Variants in METTL8 observed in about 807,000 individuals in gnomAD.
METTL8 encodes the protein tRNA N(3)-cytidine methyltransferase METTL8, mitochondrial.
Under a neutral mutation model 48.7 loss-of-function variants are expected in METTL8, and 32 were observed. The ratio of observed to expected loss-of-function variants is 0.66; its 90% CI spans 0.50 to 0.88. The LOEUF is 0.88. Ranked by LOEUF, METTL8 falls within the 40% of genes least tolerant of loss-of-function variation. METTL8 has a pLI of 0.00. For synonymous variants in METTL8, 136 were observed against 157.1 expected (o/e 0.87, Z 1.01); for missense variants, 464 against 474.4 (o/e 0.98, Z 0.20).
intron 1 of METTL8, among the ~76,000 whole-genome samples, chr2:171,423,005 G>C (rs926184458): frequency 1.3e-5 from 2 of 152,176 alleles, no homozygotes; most frequent in African/African-American, 4.8e-5. Flanking sequence ...CACAGTGGGA[G>C]GTAATTGAAT....
Position 171,392,168 on chromosome 2 carries a change from T to G in METTL8, c.18A>C (p.Arg6Ser). The G allele has an allele frequency of 3.2e-6, 5 of 1,551,518 alleles. No homozygotes were observed. The highest frequency in any genetic ancestry group is 3.5e-6 in the Non-Finnish European group (4 of 1,146,898). The change falls in exon 2 of 10, where the codon AGA becomes AGC. Residue 6 changes from arginine to serine, a missense_variant. Coordinates refer to ENST00000375258, the MANE Select transcript of METTL8 (RefSeq NM_001321154.2). ...CTAGCCTTAGACAAGAAATGGAATT[T>G]CTCCAAATCATATTCATCCTAAGCA... MNMIWRNSISCLRLGK... is the reference protein window; with the variant it reads MNMIWSNSISCLRLGK...
intron 1 of METTL8, among the ~76,000 whole-genome samples, chr2:171,421,476 TACACAC>T (rs35524770): frequency 1.3e-5 from 2 of 150,292 alleles, no homozygotes; most frequent in Non-Finnish European, 1.5e-5. Context: ...CACACATCCA[TACACAC>T]ACACACACAC....
upstream of METTL8, chr2:171,434,595 G>A: frequency 6.5e-7 from 1 of 1,527,828 alleles, no homozygotes; most frequent in Non-Finnish European, 8.7e-7. Context: ...CGACCCGGAA[G>A]CCCAACGTGT....
intron 3 of METTL8, among the ~76,000 whole-genome samples, chr2:171,352,577 G>T (rs958011576): frequency 6.6e-6 from 1 of 152,090 alleles, no homozygotes; most frequent in Non-Finnish European, 1.5e-5. Flanking sequence ...GGTAGAATTC[G>T]GCTGTGAATC....
chr2:171,330,426 G>T, intron 7 of METTL8, 133 bp downstream of exon 7: 3 of 759,164 alleles, frequency 4.0e-6, no homozygotes, highest in Non-Finnish European at 6.2e-6. Flanking sequence ...GCCTTTAAAA[G>T]GCTGTGTATT....
At chr2:171,331,561 C>G (rs1685534304) in intron 6 of METTL8, among the ~76,000 whole-genome samples, 1 of 151,986 alleles carries the variant, frequency 6.6e-6, no homozygotes, top group African/African-American at 2.4e-5. Flanking sequence ...GAACTACAGG[C>G]ACGTGCTACC....
At chr2:171,330,446 G>T in intron 7 of METTL8, 113 bp downstream of exon 7, 1 of 994,718 alleles carries the variant, frequency 1.0e-6, no homozygotes, top group Non-Finnish European at 1.5e-6. Context: ...TATACATAAT[G>T]TTGCTCACTA....
chr2:171,421,693 A>C, intron 1 of METTL8, among the ~76,000 whole-genome samples: 1 of 152,182 alleles, frequency 6.6e-6, no homozygotes, highest in Non-Finnish European at 1.5e-5. Flanking sequence ...TTTTTTAACC[A>C]AACTCAGATT....
chr2:171,430,586 G>C lies in METTL8; in HGVS notation c.-13+3297C>G, dbSNP rs936349563. On this transcript the variant is annotated intron_variant, in intron 1 of 9. Transcript: ENST00000375258. ...TCTGCTATGGGTGTTCGGAGCTGCT[G>C]AAAGAATGCAACAGGCAAGTGACAG... 1.4e-3 allele frequency among the ~76,000 whole-genome samples: 217 copies of C among 152,140 alleles called. 3 individuals are homozygous for C. Among genetic ancestry groups the C allele is most frequent in the Non-Finnish European group, 2.9e-4 (20 of 68,020 alleles).
At position 171,339,315 on chromosome 2, in the gene METTL8, T is replaced by A; in HGVS notation, c.475A>T (p.Ser159Cys). Residue 159 changes from serine to cysteine, a missense_variant, in exon 4 of 10, where the codon AGT becomes TGT. Ser to Cys is a moderately radical substitution (Grantham distance 112). Coordinates refer to ENST00000375258, the MANE Select transcript of METTL8 (RefSeq NM_001321154.2). ...CTTTGACCTTCTGAAGAACCAGAAC[T>A]TTTCTCATAATGATTTTTTTCATCA... ...VPDEKNHYEK[S>C]SGSSEGQSKT... The A allele has an allele frequency of 6.2e-7, 1 of 1,613,240 alleles. No individual in the cohort carries two copies. Among genetic ancestry groups the A allele is most frequent in the Non-Finnish European group, 8.5e-7 (1 of 1,179,466 alleles).
intron 2 of METTL8, among the ~76,000 whole-genome samples, chr2:171,386,982 C>T (rs910351082): frequency 6.6e-6 from 1 of 152,060 alleles, no homozygotes; most frequent in East Asian, 1.9e-4. Context: ...CCTAGCGGTC[C>T]GACTCCAGGG....
At chr2:171,369,817 C>T (rs1686118419) in intron 2 of METTL8, among the ~76,000 whole-genome samples, 1 of 151,970 alleles carries the variant, frequency 6.6e-6, no homozygotes, top group Admixed American at 6.6e-5. Flanking sequence ...CCTGTAATAC[C>T]AGCATTTTGG....
At chr2:171,325,032 G>A (rs1684794367) in intron 9 of METTL8, among the ~76,000 whole-genome samples, 1 of 147,174 alleles carries the variant, frequency 6.8e-6, no homozygotes, top group South Asian at 2.1e-4. Flanking sequence ...TGAGGTGGGA[G>A]AATCGTTTGA....
chr2:171,372,653 GC>G (rs923691710), intron 2 of METTL8, among the ~76,000 whole-genome samples: 18 of 151,846 alleles, frequency 1.2e-4, no homozygotes, highest in African/African-American at 4.4e-4. Flanking sequence ...CCCACAACAG[GC>G]CCCGGTGTGT....
At chr2:171,370,665 C>T (rs1686232397) in intron 2 of METTL8, among the ~76,000 whole-genome samples, 1 of 152,066 alleles carries the variant, frequency 6.6e-6, no homozygotes, top group African/African-American at 2.4e-5. Context: ...GTGGTGGGCA[C>T]CTGTAGTCCC....
chr2:171,325,960 CAACTA>C (rs1684910227), intron 8 of METTL8, 54 bp from the exon 9 acceptor site: 1 of 1,365,606 alleles, frequency 7.3e-7, no homozygotes, highest in African/African-American at 1.5e-5. Context: ...TAAAAAAAAA[CAACTA>C]AATACTTTGA....
At chr2:171,347,040 T>C (rs529855752) in intron 3 of METTL8, among the ~76,000 whole-genome samples, 2 of 152,306 alleles carry the variant, frequency 1.3e-5, no homozygotes, top group Non-Finnish European at 1.5e-5. Context: ...GTCACCCCCA[T>C]AATGTGTTCC....
chr2:171,416,134 C>T (rs111633645), intron 1 of METTL8, among the ~76,000 whole-genome samples: 1 of 152,146 alleles, frequency 6.6e-6, no homozygotes, highest in African/African-American at 2.4e-5. Context: ...GTGTTTCTGA[C>T]GCGCCAGGAT....
chr2:171,409,911 G>A (rs1690576663), intron 1 of METTL8, among the ~76,000 whole-genome samples: 2 of 152,236 alleles, frequency 1.3e-5, no homozygotes, highest in Admixed American at 1.3e-4. Flanking sequence ...CTACGGTCAG[G>A]CCGGAAAGAT....
Sources: gnomAD v4.1 joint callset for allele counts (sites outside exome capture counted in the v4.1 genomes callset) on GRCh38, gnomAD v4.1.1 for gene constraint, MANE v1.5 for transcripts, NCBI Gene and HGNC (gene_info 2026-07-23, HGNC 2026-07-21) for gene names.